IMPG1: variants seen among roughly 807,000 people sequenced by gnomAD.
The protein encoded by IMPG1 is interphotoreceptor matrix proteoglycan of 150 kDa.
In IMPG1, 85 loss-of-function variants were observed where a neutral mutation model predicts 92.0. That is an observed-to-expected ratio of 0.92 (90% CI 0.78 to 1.11). IMPG1 has a LOEUF of 1.11. Among genes scored for constraint, IMPG1 ranks in the 50% least tolerant of loss-of-function variants. The pLI is 0.00. For synonymous variants in IMPG1, 367 were observed against 334.1 expected, an observed-to-expected ratio of 1.10 and a Z score of -1.08; for missense variants, 1,022 against 956.0, an observed-to-expected ratio of 1.07 and a Z score of -0.91.
At chr6:76,063,454 T>G (rs1784244610) in intron 1 of IMPG1, among the ~76,000 whole-genome samples, 2 of 152,200 alleles carry the variant, frequency 1.3e-5, no homozygotes, top group African/African-American at 4.8e-5. Context: ...GTGTTTTTGT[T>G]TCTCCTTGCC....
At chr6:75,987,391 G>T (rs1010414008) in intron 12 of IMPG1, among the ~76,000 whole-genome samples, 3 of 151,472 alleles carry the variant, frequency 2.0e-5, no homozygotes, top group African/African-American at 7.3e-5. Flanking sequence ...TGCCATGGTG[G>T]TGTGCTGCAC....
intron 1 of IMPG1, among the ~76,000 whole-genome samples, chr6:76,049,248 C>T (rs1456492999): frequency 6.6e-6 from 1 of 152,136 alleles, no homozygotes; most frequent in African/African-American, 2.4e-5. Context: ...GGATACTAGA[C>T]TTAATAGCTG....
At chr6:75,947,286 T>C (rs764106748) in intron 14 of IMPG1, 28 bp downstream of exon 14, 2 of 1,537,358 alleles carry the variant, frequency 1.3e-6, no homozygotes, top group Non-Finnish European at 9.0e-7. Context: ...AAAACATCTC[T>C]ACCACTTTCT....
chr6:75,966,547 C>T (rs1406732636), intron 12 of IMPG1, among the ~76,000 whole-genome samples: 1 of 152,156 alleles, frequency 6.6e-6, no homozygotes, highest in Non-Finnish European at 1.5e-5. Flanking sequence ...GACCCTCGAC[C>T]TTGGACTTTC....
intron 12 of IMPG1, among the ~76,000 whole-genome samples, chr6:76,002,216 C>A (rs1419502123): frequency 5.3e-5 from 8 of 152,108 alleles, no homozygotes; most frequent in African/African-American, 1.9e-4. Flanking sequence ...CTTGGAGCCA[C>A]TAAATCAGCT....
rs1319662969 is a variant in IMPG1 at position 76,002,292 on chromosome 6, T to C, written c.1291+626A>G. 3.3e-5 allele frequency among the ~76,000 whole-genome samples: 5 copies of C among 152,224 alleles called. No homozygotes were observed. In the South Asian group the frequency reaches 8.3e-4, roughly 25 times the overall value. On this transcript the variant is annotated intron_variant, in intron 12 of 16. Coordinates refer to ENST00000369950, the MANE Select transcript of IMPG1 (RefSeq NM_001563.4). ...TGTTTTCTTCCCTAATGTCTTCATA[T>C]GTTGCTAAATATTTCTCTTTAACTG...
intron 14 of IMPG1, among the ~76,000 whole-genome samples, chr6:75,936,790 C>T (rs1019282025): frequency 2.6e-5 from 4 of 152,124 alleles, no homozygotes; most frequent in Non-Finnish European, 4.4e-5. Flanking sequence ...CCAGGATCAG[C>T]GGGTGGAGGG....
intron 12 of IMPG1, among the ~76,000 whole-genome samples, chr6:75,958,980 T>A (rs907181452): frequency 6.6e-6 from 1 of 152,170 alleles, no homozygotes; most frequent in South Asian, 2.1e-4. Flanking sequence ...ATTTTCAGCC[T>A]TTTTTGCACT....
chr6:75,959,672 A>T (rs1490489065), intron 12 of IMPG1, among the ~76,000 whole-genome samples: 1 of 151,972 alleles, frequency 6.6e-6, no homozygotes, highest in African/African-American at 2.4e-5. Context: ...GTGAGGGGAA[A>T]ACTGCCTACT....
chr6:75,951,097 G>A lies in IMPG1; in HGVS notation c.1292-3C>T. ...AGCAGGTGGAGACCAAGAAGTGTCT[G>A]TGGAGGAAGTACAATTTCATTATGT... On this transcript the variant is annotated splice_polypyrimidine_tract_variant and splice_region_variant and intron_variant, in intron 12 of 16. Coordinates refer to ENST00000369950, the MANE Select transcript of IMPG1 (RefSeq NM_001563.4). 6.3e-7 allele frequency: 1 copy of A among 1,583,254 alleles called. No individual in the cohort carries two copies. The highest frequency in any genetic ancestry group is 1.2e-5 in the South Asian group (1 of 86,634).
chr6:76,067,732 C>T (rs985241900), intron 1 of IMPG1, among the ~76,000 whole-genome samples: 1 of 151,750 alleles, frequency 6.6e-6, no homozygotes, highest in African/African-American at 2.4e-5. Context: ...AAGGACGCAA[C>T]AAAAAAAGAA....
At chr6:76,035,951 C>G (rs1182060617) in intron 2 of IMPG1, among the ~76,000 whole-genome samples, 2 of 152,158 alleles carry the variant, frequency 1.3e-5, no homozygotes, top group African/African-American at 2.4e-5. Context: ...AATAGGTTGA[C>G]AGCTGATTGA....
chr6:76,058,640 C>T (rs1246132727), intron 1 of IMPG1, among the ~76,000 whole-genome samples: 2 of 152,292 alleles, frequency 1.3e-5, no homozygotes, highest in South Asian at 4.1e-4. Flanking sequence ...GTTATCACTG[C>T]TTCTGTGAAT....
At chr6:76,034,230 A>G in intron 4 of IMPG1, 85 bp downstream of exon 4, 1 of 1,255,152 alleles carries the variant, frequency 8.0e-7, no homozygotes, top group Non-Finnish European at 1.2e-6. Context: ...AAAATCCTAC[A>G]GGTAGAATAG....
chr6:75,935,087 T>C (rs1317124387), intron 14 of IMPG1: 1 of 463,592 alleles, frequency 2.2e-6, no homozygotes. Flanking sequence ...GAAACCTAGT[T>C]CTCGCTAGAT....
At chr6:76,057,710 T>TG (rs1024054668) in intron 1 of IMPG1, among the ~76,000 whole-genome samples, 17 of 151,924 alleles carry the variant, frequency 1.1e-4, no homozygotes, top group South Asian at 2.1e-4. Flanking sequence ...AACCCATAGG[T>TG]GGGGGGGTGG....
intron 4 of IMPG1, among the ~76,000 whole-genome samples, chr6:76,027,183 T>C (rs1582114614): frequency 6.6e-6 from 1 of 152,222 alleles, no homozygotes; most frequent in Non-Finnish European, 1.5e-5. Context: ...GAAGGTGTCA[T>C]TAAAATGTAA....
intron 12 of IMPG1, among the ~76,000 whole-genome samples, chr6:75,996,257 G>T (rs1782900796): frequency 6.6e-6 from 1 of 152,072 alleles, no homozygotes; most frequent in Admixed American, 6.6e-5. Context: ...GGGAGGTGAG[G>T]GAGAGAACTC....
intron 6 of IMPG1, among the ~76,000 whole-genome samples, chr6:76,020,206 C>T (rs1444666764): frequency 1.3e-5 from 2 of 152,078 alleles, no homozygotes; most frequent in African/African-American, 4.8e-5. Context: ...GCATGGACCA[C>T]CATGCCCAGG....
Sources: allele counts gnomAD v4.1 joint callset (sites outside exome capture counted in the v4.1 genomes callset), GRCh38; gene constraint gnomAD v4.1.1; transcripts MANE v1.5; gene names NCBI Gene and HGNC (gene_info 2026-07-23, HGNC 2026-07-21).